The following MTCL2 variants were observed in gnomAD, a reference collection of about 807,000 sequenced individuals.
MTCL2 encodes the protein microtubule cross-linking factor 2.
chr20:36,810,751 T>TCTCTCTCTCTCC, the MTCL2 span, among the ~76,000 whole-genome samples: 12 of 149,472 alleles, frequency 8.0e-5, no homozygotes, highest in Admixed American at 2.0e-4. Flanking sequence ...TCTCTCTCTC[T>TCTCTCTCTCTCC]CTTTCAACGG....
At chr20:36,816,632 A>T in the MTCL2 span, among the ~76,000 whole-genome samples, 2 of 152,180 alleles carry the variant, frequency 1.3e-5, no homozygotes, top group Admixed American at 1.3e-4. Flanking sequence ...TGAGCTAAGG[A>T]TGAAAAGGGC....
the MTCL2 span, among the ~76,000 whole-genome samples, chr20:36,798,542 A>C: frequency 3.3e-5 from 5 of 152,222 alleles, no homozygotes; most frequent in South Asian, 8.3e-4. Context: ...CTGACACTAC[A>C]GCCTTCTCTG....
chr20:36,818,944 T>A, the MTCL2 span, among the ~76,000 whole-genome samples: 1 of 152,346 alleles, frequency 6.6e-6, no homozygotes, highest in East Asian at 1.9e-4. Context: ...AGGCACATGA[T>A]GATATTCAAC....
At chr20:36,815,875 C>G in the MTCL2 span, 1 of 1,608,324 alleles carries the variant, frequency 6.2e-7, no homozygotes, top group Non-Finnish European at 8.5e-7. This position sits in a 1 kb window ranked among gnomAD's most constrained non-coding sequence, Gnocchi z 5.3. Flanking sequence ...AGCAGCTCGG[C>G]CTCCTCTTCG....
chr20:36,794,197 C>A, the MTCL2 span: 3 of 1,547,452 alleles, frequency 1.9e-6, no homozygotes, highest in African/African-American at 4.1e-5. The surrounding 1 kb of genome is among the most constrained non-coding windows in gnomAD (Gnocchi z 5.4). Flanking sequence ...TCTCAGCCAG[C>A]CCATCAGCCT....
the MTCL2 span, among the ~76,000 whole-genome samples, chr20:36,831,535 C>A: frequency 6.6e-6 from 1 of 152,204 alleles, no homozygotes; most frequent in Admixed American, 6.5e-5. Flanking sequence ...TCTGCCTGGG[C>A]CGAAGCCCAG....
At chr20:36,857,587 C>T in the MTCL2 span, among the ~76,000 whole-genome samples, 825 of 152,194 alleles carry the variant, frequency 5.4e-3, 9 homozygotes, top group African/African-American at 0.018. Flanking sequence ...AAGGAGGCTG[C>T]GGCTGGGACT....
chr20:36,795,991 G>A, the MTCL2 span, among the ~76,000 whole-genome samples: 1 of 152,022 alleles, frequency 6.6e-6, no homozygotes. Context: ...AACTCCAGTT[G>A]CCCGTGGAAT....
At chr20:36,789,745 T>G in the MTCL2 span, among the ~76,000 whole-genome samples, 3 of 152,008 alleles carry the variant, frequency 2.0e-5, no homozygotes, top group Non-Finnish European at 4.4e-5. Flanking sequence ...GAGGGCTTAC[T>G]CTCCCTCAAG....
chr20:36,808,754 A>C, the MTCL2 span: 3 of 1,567,424 alleles, frequency 1.9e-6, no homozygotes, highest in Non-Finnish European at 2.6e-6. Context: ...CTGCCGGGGG[A>C]CAAGAGCTTG....
the MTCL2 span, chr20:36,815,827 G>T: frequency 6.3e-7 from 1 of 1,596,872 alleles, no homozygotes; most frequent in Non-Finnish European, 8.5e-7. This position sits in a 1 kb window ranked among gnomAD's most constrained non-coding sequence, Gnocchi z 5.3. Flanking sequence ...TTCAGCAGCA[G>T]CTTGTTCTGG....
the MTCL2 span, among the ~76,000 whole-genome samples, chr20:36,845,390 G>A: frequency 6.6e-6 from 1 of 152,250 alleles, no homozygotes. Flanking sequence ...GTCTCCCCAA[G>A]GCCTGCCCTT....
the MTCL2 span, chr20:36,781,709 A>G: frequency 6.6e-6 from 1 of 150,824 alleles, no homozygotes; most frequent in East Asian, 1.9e-4. Flanking sequence ...AATAATAAAT[A>G]AATAAATAAA....
At chr20:36,815,982 C>T in the MTCL2 span, 9 of 1,613,614 alleles carry the variant, frequency 5.6e-6, no homozygotes, top group Non-Finnish European at 7.6e-6. This position sits in a 1 kb window ranked among gnomAD's most constrained non-coding sequence, Gnocchi z 5.3. Context: ...ACCCCCACAG[C>T]CACCTCCATG....
chr20:36,852,778 C>T, the MTCL2 span, among the ~76,000 whole-genome samples: 1 of 152,216 alleles, frequency 6.6e-6, no homozygotes, highest in Admixed American at 6.5e-5. Context: ...CTGATGAGGC[C>T]GGGCATGGTG....
the MTCL2 span, among the ~76,000 whole-genome samples, chr20:36,836,998 C>T: frequency 4.6e-5 from 7 of 152,190 alleles, no homozygotes; most frequent in Admixed American, 4.6e-4. Flanking sequence ...GGCTATAGGG[C>T]TTGAGTTTGC....
chr20:36,816,075 TC>T, the MTCL2 span: 1 of 1,613,452 alleles, frequency 6.2e-7, no homozygotes, highest in South Asian at 1.1e-5. Context: ...CAGGTTGGCT[TC>T]CTCCTCCACC....
chr20:36,806,935 G>A, the MTCL2 span, among the ~76,000 whole-genome samples: 1 of 152,188 alleles, frequency 6.6e-6, no homozygotes, highest in African/African-American at 2.4e-5. Flanking sequence ...GTTCGTCTGA[G>A]ACAAACTGAC....
At chr20:36,777,714 C>T in the MTCL2 span, 48 of 518,834 alleles carry the variant, frequency 9.3e-5, no homozygotes, top group South Asian at 1.3e-3. Flanking sequence ...CCCTGGGGGT[C>T]CCCCAGGGCC....
Sources: gnomAD v4.1 joint callset for allele counts (sites outside exome capture counted in the v4.1 genomes callset) on GRCh38, gnomAD v4.1.1 for gene constraint, Gnocchi (gnomAD v3.1) non-coding constraint, MANE v1.5 for transcripts, NCBI Gene and HGNC (gene_info 2026-07-23, HGNC 2026-07-21) for gene names.